CHIC1: variants seen among roughly 807,000 people sequenced by gnomAD.
The protein encoded by CHIC1 is cysteine rich hydrophobic domain 1.
In CHIC1, 7 loss-of-function variants were observed where a neutral mutation model predicts 18.5. The observed-to-expected ratio is 0.38, with a 90% CI of 0.22 to 0.71. CHIC1 has a LOEUF of 0.71. CHIC1 is among the 30% of genes least tolerant of loss of function. The probability of loss-of-function intolerance (pLI) is 0.49; values close to 1 mark genes in which losing one functional copy is unlikely to be tolerated. For missense variants in CHIC1, 159 were observed against 176.9 expected (o/e 0.90, Z 0.57); for synonymous variants, 77 against 73.5 (o/e 1.05, Z -0.25).
intron 3 of CHIC1, among the ~76,000 whole-genome samples, chrX:73,642,557 C>T (rs1264337731): frequency 2.9e-5 from 3 of 104,288 alleles, no homozygotes; most frequent in Non-Finnish European, 6.0e-5. Context: ...TCTTTTGTTG[C>T]CATTGCTTTT....
intron 3 of CHIC1, among the ~76,000 whole-genome samples, chrX:73,654,611 GTTC>G (rs1297772375): frequency 8.9e-6 from 1 of 111,922 alleles, no homozygotes; most frequent in Admixed American, 9.5e-5. Flanking sequence ...ATTGTTATTA[GTTC>G]TTCTTTAAAA....
At chrX:73,650,679 C>A (rs2057911845) in intron 3 of CHIC1, among the ~76,000 whole-genome samples, 1 of 83,793 alleles carries the variant, frequency 1.2e-5, no homozygotes. Context: ...GAAATTGAGG[C>A]AGTAATTAAT....
In CHIC1 at chrX:73,565,581, T is replaced by C. The variant is rs746723060; in HGVS notation, c.296+2001T>C. Among the ~76,000 whole-genome samples, 3 of 112,117 alleles carry C rather than the reference T, an allele frequency of 2.7e-5. No homozygotes were observed. The South Asian group carries it at 1.1e-3, about 42-fold the overall frequency. On this transcript the variant is annotated intron_variant, in intron 1 of 5. Transcript: ENST00000373502. Reference sequence around the variant, plus strand: ...TTTGGAAACTTATTTAGTTTTGTTGTACACATTCTTATACCTAGAAATCAC... The same window carrying C: ...TTTGGAAACTTATTTAGTTTTGTTGCACACATTCTTATACCTAGAAATCAC...
rs775938056 is a variant in CHIC1, at chrX:73,628,465, ACTGGAATCTGCGATTCCCCT to A, written c.507+43898_507+43917del. ...GTTTGTAGAAACTCAAGTTCCGAAT[ACTGGAATCTGCGATTCCCCT>A]CTGGCTAGGGCTGGTTTGAATGCTC... On this transcript the variant is annotated intron_variant, in intron 3 of 5. Transcript: ENST00000373502. Among the ~76,000 whole-genome samples the A allele has an allele frequency of 1.1e-3, 126 of 112,093 alleles. 1 individual carries two copies. The highest frequency in any genetic ancestry group is 3.6e-3 in the African/African-American group (112 of 30,849).
intron 3 of CHIC1, among the ~76,000 whole-genome samples, chrX:73,655,547 T>C (rs145066171): frequency 0.02 from 1,180 of 58,923 alleles, 87 homozygotes; most frequent in African/African-American, 0.069. Context: ...TACATATATA[T>C]ACAATATTGT....
At chrX:73,569,194 T>A (rs1174841855) in intron 1 of CHIC1, among the ~76,000 whole-genome samples, 1 of 111,498 alleles carries the variant, frequency 9.0e-6, no homozygotes, top group African/African-American at 3.3e-5. Context: ...AGTCATGTCT[T>A]ATTGGCAGAA....
rs1343817055 is a variant in CHIC1 at position 73,684,644 on chromosome X, C to G, written c.*3639C>G. The G allele has an allele frequency of 1.8e-5, 2 of 111,117 alleles. No homozygotes were observed. The highest frequency in any genetic ancestry group is 6.5e-5 in the African/African-American group (2 of 30,689). The allele number at this position is 111,117 out of a possible 1,213,427, so 9.2% of individuals were successfully genotyped here. A position where few individuals can be genotyped will look rare whatever the true frequency, so the allele number is the denominator to read the frequency against. The stretch of plus-strand genomic sequence containing the variant: ...CTTTTTGCTAATTTGATTATAAGTG[C>G]TCAAATTTATTGAAATTAGATTCTC... On this transcript the variant is annotated 3_prime_UTR_variant, in exon 6 of 6. Coordinates refer to ENST00000373502, the MANE Select transcript of CHIC1 (RefSeq NM_001039840.4).
At chrX:73,584,309 T>A in intron 2 of CHIC1, 108 bp from the exon 3 acceptor site, 1 of 672,635 alleles carries the variant, frequency 1.5e-6, no homozygotes, top group South Asian at 3.9e-5. Flanking sequence ...TATATCTATT[T>A]AGATATTTGT....
At chrX:73,675,846 G>A (rs2058059308) in intron 3 of CHIC1, among the ~76,000 whole-genome samples, 2 of 110,428 alleles carry the variant, frequency 1.8e-5, no homozygotes, top group African/African-American at 3.3e-5. Context: ...TTACAATTTG[G>A]CATGTTTTTG....
chrX:73,663,640 G>A (rs189799739), intron 3 of CHIC1, among the ~76,000 whole-genome samples: 13 of 110,658 alleles, frequency 1.2e-4, no homozygotes, highest in African/African-American at 3.6e-4. Flanking sequence ...CGAAATGTCC[G>A]CCCCTGTGTC....
chrX:73,587,591 G>C (rs748539957), intron 3 of CHIC1, among the ~76,000 whole-genome samples: 4 of 111,451 alleles, frequency 3.6e-5, no homozygotes, highest in African/African-American at 1.3e-4. Context: ...TCACTGTCCT[G>C]TTTGATTCTG....
At chrX:73,595,936 C>CT (rs902135057) in intron 3 of CHIC1, among the ~76,000 whole-genome samples, 2 of 111,818 alleles carry the variant, frequency 1.8e-5, no homozygotes, top group African/African-American at 6.5e-5. Context: ...TAATTACGAG[C>CT]TTTTTTTCAT....
chrX:73,634,841 G>T (rs765762241), intron 3 of CHIC1, among the ~76,000 whole-genome samples: 25 of 111,263 alleles, frequency 2.2e-4, no homozygotes, highest in Non-Finnish European at 4.0e-4. Context: ...GGTAGAAATT[G>T]CAGGTTAAGG....
At chrX:73,669,366 A>G (rs920773521) in intron 3 of CHIC1, among the ~76,000 whole-genome samples, 4 of 111,597 alleles carry the variant, frequency 3.6e-5, no homozygotes, top group African/African-American at 1.3e-4. Context: ...TCTGGCTACA[A>G]TCTGGCAAAG....
chrX:73,667,034 G>A (rs1201710296), intron 3 of CHIC1, among the ~76,000 whole-genome samples: 4 of 111,967 alleles, frequency 3.6e-5, no homozygotes, highest in African/African-American at 1.3e-4. Context: ...ATGGGTGCTA[G>A]TGTATTGGTT....
At chrX:73,567,522 A>G (rs886752313) in intron 1 of CHIC1, among the ~76,000 whole-genome samples, 1 of 110,781 alleles carries the variant, frequency 9.0e-6, no homozygotes, top group Non-Finnish European at 1.9e-5. Flanking sequence ...CCACCACTTC[A>G]TTGATTCAGG....
At chrX:73,653,845 C>A (rs1447026633) in intron 3 of CHIC1, among the ~76,000 whole-genome samples, 1 of 111,676 alleles carries the variant, frequency 9.0e-6, no homozygotes, top group South Asian at 3.6e-4. Flanking sequence ...TTCGAAATTT[C>A]TTTTTCAGAT....
chrX:73,626,523 A>T (rs2057784339), intron 3 of CHIC1, among the ~76,000 whole-genome samples: 1 of 109,833 alleles, frequency 9.1e-6, no homozygotes, highest in Admixed American at 9.8e-5. Flanking sequence ...GCATTTTCTC[A>T]TAGCCTTTCT....
At chrX:73,658,909 G>T in intron 3 of CHIC1, among the ~76,000 whole-genome samples, 1 of 111,884 alleles carries the variant, frequency 8.9e-6, no homozygotes. Flanking sequence ...CCAAGCAATG[G>T]ATGAAAAAAT....
Sources: allele counts gnomAD v4.1 joint callset (sites outside exome capture counted in the v4.1 genomes callset), GRCh38; gene constraint gnomAD v4.1.1; transcripts MANE v1.5; gene names NCBI Gene and HGNC (gene_info 2026-07-23, HGNC 2026-07-21).